The following SCHIP1 variants were observed in gnomAD, a reference collection of about 807,000 sequenced individuals.
The protein encoded by SCHIP1 is schwannomin-interacting protein 1.
A neutral mutation model predicts 29.7 loss-of-function variants in SCHIP1; 8 were observed. The observed-to-expected ratio is 0.27, with a 90% confidence interval of 0.16 to 0.49. The LOEUF (loss-of-function observed/expected upper bound fraction) is 0.49, where lower values mean the gene tolerates loss of function less well. SCHIP1 is among the 20% of genes least tolerant of loss of function. The pLI, the probability that SCHIP1 is intolerant of heterozygous loss-of-function variation, is 0.99. For synonymous variants in SCHIP1, 76 were observed against 94.9 expected (o/e 0.80, Z 1.16); for missense variants, 193 against 294.6 (o/e 0.66, Z 2.52).
upstream of SCHIP1, among the ~76,000 whole-genome samples, chr3:159,835,696 A>G (rs1194074669): frequency 6.6e-6 from 1 of 152,166 alleles, no homozygotes; most frequent in Non-Finnish European, 1.5e-5. Context: ...ATTGACAAAT[A>G]TACACACCTG....
the SCHIP1 span, among the ~76,000 whole-genome samples, chr3:159,347,541 TTA>T: frequency 1.3e-5 from 2 of 152,202 alleles, no homozygotes; most frequent in Non-Finnish European, 2.9e-5. Flanking sequence ...AAATACTTTA[TTA>T]ATAGTGACTT....
At chr3:159,612,456 G>C in the SCHIP1 span, among the ~76,000 whole-genome samples, 2 of 152,164 alleles carry the variant, frequency 1.3e-5, no homozygotes, top group East Asian at 3.8e-4. Context: ...TTTATATTAA[G>C]AATTGTTCGG....
the SCHIP1 span, among the ~76,000 whole-genome samples, chr3:159,750,224 G>C: frequency 6.8e-6 from 1 of 146,698 alleles, no homozygotes; most frequent in South Asian, 2.2e-4. Flanking sequence ...AGATGCACTG[G>C]TCAAAAAGCC....
At chr3:159,293,417 C>T in the SCHIP1 span, among the ~76,000 whole-genome samples, 2 of 152,132 alleles carry the variant, frequency 1.3e-5, no homozygotes, top group Non-Finnish European at 2.9e-5. Flanking sequence ...CAAGTTTGCT[C>T]CATTCATTCA....
the SCHIP1 span, among the ~76,000 whole-genome samples, chr3:159,558,862 C>A: frequency 6.6e-6 from 1 of 152,154 alleles, no homozygotes; most frequent in Non-Finnish European, 1.5e-5. Context: ...GCAGAAACTA[C>A]CCCATTCCTT....
chr3:159,741,485 A>G, the SCHIP1 span, among the ~76,000 whole-genome samples: 1 of 152,260 alleles, frequency 6.6e-6, no homozygotes, highest in East Asian at 1.9e-4. Flanking sequence ...TGCTGAGTAG[A>G]CATTTCTAGA....
At chr3:159,394,924 G>A in the SCHIP1 span, among the ~76,000 whole-genome samples, 16 of 152,160 alleles carry the variant, frequency 1.1e-4, no homozygotes, top group South Asian at 1.2e-3. Flanking sequence ...GGTAGAATTC[G>A]GCTGTGAATC....
At chr3:159,427,007 A>G in the SCHIP1 span, among the ~76,000 whole-genome samples, 2 of 152,230 alleles carry the variant, frequency 1.3e-5, no homozygotes, top group Non-Finnish European at 2.9e-5. Context: ...AAAACTCTCA[A>G]TAAATTAGGT....
chr3:159,880,695 T>C (rs369583668), intron 2 of SCHIP1, among the ~76,000 whole-genome samples: 27 of 152,336 alleles, frequency 1.8e-4, no homozygotes, highest in African/African-American at 6.5e-4. Flanking sequence ...AGCCTATTGG[T>C]GCCATGAAAT....
chr3:159,668,654 T>C, the SCHIP1 span, among the ~76,000 whole-genome samples: 7 of 152,134 alleles, frequency 4.6e-5, no homozygotes, highest in Non-Finnish European at 1.0e-4. Context: ...ATTCTAAGGA[T>C]GTTGAGTCCA....
the SCHIP1 span, among the ~76,000 whole-genome samples, chr3:159,422,050 TTTGTTATTTAG>T: frequency 6.6e-6 from 1 of 152,224 alleles, no homozygotes; most frequent in Non-Finnish European, 1.5e-5. Flanking sequence ...TGCATTATAT[TTTGTTATTTAG>T]TTGCTAAATT....
At chr3:159,604,064 A>G in the SCHIP1 span, among the ~76,000 whole-genome samples, 1 of 152,194 alleles carries the variant, frequency 6.6e-6, no homozygotes, top group Non-Finnish European at 1.5e-5. Flanking sequence ...CAACTTTTCA[A>G]TACATGAACT....
chr3:159,797,484 A>G, the SCHIP1 span, among the ~76,000 whole-genome samples: 183 of 152,264 alleles, frequency 1.2e-3, no homozygotes, highest in Non-Finnish European at 1.4e-3. Flanking sequence ...ATTTTGAAAT[A>G]AAATCTTCTG....
the SCHIP1 span, among the ~76,000 whole-genome samples, chr3:159,794,141 G>A: frequency 0.24 from 36,799 of 151,998 alleles, 4,740 homozygotes; most frequent in East Asian, 0.45. Flanking sequence ...GAGGATGGGG[G>A]GTCATTATTC....
At chr3:159,529,934 T>C in the SCHIP1 span, among the ~76,000 whole-genome samples, 7 of 152,214 alleles carry the variant, frequency 4.6e-5, no homozygotes, top group Non-Finnish European at 1.0e-4. Context: ...AATGACAAGA[T>C]TTCATTCTCT....
the SCHIP1 span, among the ~76,000 whole-genome samples, chr3:159,653,281 A>G: frequency 1.3e-5 from 2 of 152,202 alleles, no homozygotes; most frequent in South Asian, 2.1e-4. Flanking sequence ...ATAAAGACCC[A>G]TATACACCTA....
At chr3:159,827,991 C>T in the SCHIP1 span, among the ~76,000 whole-genome samples, 1 of 151,714 alleles carries the variant, frequency 6.6e-6, no homozygotes, top group Non-Finnish European at 1.5e-5. Context: ...CATTAAATTT[C>T]TATAAGGAAG....
chr3:159,401,232 C>T, the SCHIP1 span: 1 of 909,274 alleles, frequency 1.1e-6, no homozygotes, highest in Non-Finnish European at 1.3e-6. Flanking sequence ...ACCATTATTC[C>T]ACTGAGTCCA....
the SCHIP1 span, among the ~76,000 whole-genome samples, chr3:159,537,644 T>A: frequency 6.6e-6 from 1 of 152,188 alleles, no homozygotes; most frequent in African/African-American, 2.4e-5. Context: ...ACCCTGCTGA[T>A]GCCCTTTTTT....
Sources: gnomAD v4.1 joint callset for allele counts (sites outside exome capture counted in the v4.1 genomes callset) on GRCh38, gnomAD v4.1.1 for gene constraint, MANE v1.5 for transcripts, NCBI Gene and HGNC (gene_info 2026-07-23, HGNC 2026-07-21) for gene names.